Variants in TAC1 observed in about 807,000 individuals in gnomAD.
TAC1 encodes the protein tachykinin precursor 1, also known as protachykinin-1.
A neutral mutation model predicts 21.7 loss-of-function variants in TAC1; 12 were observed. That is an observed-to-expected ratio of 0.55 (90% CI 0.35 to 0.89). The LOEUF (loss-of-function observed/expected upper bound fraction) is 0.89, where lower values mean the gene tolerates loss of function less well. Among genes scored for constraint, TAC1 ranks in the 40% least tolerant of loss-of-function variants. The probability of loss-of-function intolerance (pLI) is 0.01; values close to 1 mark genes in which losing one functional copy is unlikely to be tolerated. For synonymous variants in TAC1, 52 were observed against 52.0 expected (o/e 1.00, Z 0.00); for missense variants, 128 against 151.4 (o/e 0.85, Z 0.81).
At position 97,738,610 on chromosome 7, in the gene TAC1, T is replaced by C. The variant is rs181391361; in HGVS notation, c.344-1264T>C. Among the ~76,000 whole-genome samples the C allele has an allele frequency of 5.3e-5, 8 of 150,686 alleles. No homozygotes were observed. In the East Asian group the frequency reaches 1.5e-3, roughly 29 times the overall value. On this transcript the variant is annotated intron_variant, in intron 6 of 6. Coordinates refer to ENST00000319273, the MANE Select transcript of TAC1 (RefSeq NM_003182.3). ...CAGACTGTTCTGCCTCACAAGTGCA[T>C]ACTTAATTGATGTAAAATATGCAGC...
intron 2 of TAC1, among the ~76,000 whole-genome samples, 192 bp from the exon 3 acceptor site, chr7:97,733,531 G>A (rs970529401): frequency 2.6e-5 from 4 of 152,126 alleles, no homozygotes; most frequent in Non-Finnish European, 5.9e-5. Flanking sequence ...GCTTGCGGGG[G>A]GCGGGACGCG....
intron 4 of TAC1, 32 bp downstream of exon 4, chr7:97,734,324 T>C: frequency 6.3e-7 from 1 of 1,582,476 alleles, no homozygotes. Context: ...TATTTTACTA[T>C]TGTGAAAGCA....
chr7:97,737,662 T>C (rs1176613592), intron 6 of TAC1, among the ~76,000 whole-genome samples: 1 of 151,996 alleles, frequency 6.6e-6, no homozygotes, highest in African/African-American at 2.4e-5. Context: ...CTAGTGTTCT[T>C]ATTGGGTCCC....
Position 97,732,715 on chromosome 7 carries a change from T to A in TAC1, c.103T>A (p.Tyr35Asn), listed in dbSNP as rs1789462659. The part of the protein sequence containing the change: ...NDDLNYWSDW[Y>N]DSDQIKEELP... ...TGATCTGAATTACTGGTCCGACTGG[T>A]ACGACAGCGACCAGATCAAGGTGAG... Residue 35 changes from tyrosine (Y) to asparagine (N), a missense_variant, in exon 2 of 7, where the codon TAC (tyrosine) becomes AAC (asparagine). Physicochemically the swap from Tyr to Asn is moderately radical, Grantham distance 143. Coordinates refer to ENST00000319273, the MANE Select transcript of TAC1 (RefSeq NM_003182.3). This position sits in a 1 kb window ranked among gnomAD's most constrained non-coding sequence, Gnocchi z 6.2. The A allele has an allele frequency of 6.2e-7, 1 of 1,613,986 alleles. No individual in the cohort carries two copies.
At chr7:97,733,981 ACGG>A in intron 3 of TAC1, 162 bp downstream of exon 3, 2 of 738,848 alleles carry the variant, frequency 2.7e-6, no homozygotes, top group South Asian at 3.7e-5. Context: ...TAAGGCACGC[ACGG>A]GCCCGCGGGG....
chr7:97,732,481 T>C lies in TAC1; in HGVS notation c.-9-123T>C. ...GGTACAGGTGAGACTTCAGTCCTTA[T>C]GTTTTTGATCTTGGTTCATCCGTTG... On this transcript the variant is annotated intron_variant, in intron 1 of 6. Transcript: ENST00000319273. The surrounding 1 kb of genome is among the most constrained non-coding windows in gnomAD (Gnocchi z 6.2). The C allele has an allele frequency of 4.3e-6, 5 of 1,171,084 alleles. No individual in the cohort carries two copies. Among genetic ancestry groups the C allele is most frequent in the Non-Finnish European group, 4.9e-6 (4 of 816,632 alleles). The allele number at this position is 1,171,084 out of a possible 1,614,324, so 72.5% of individuals were successfully genotyped here. A position where few individuals can be genotyped will look rare whatever the true frequency, so the allele number is the denominator to read the frequency against.
chr7:97,734,426 T>C (rs1789513127), intron 4 of TAC1, 134 bp downstream of exon 4: 3 of 707,144 alleles, frequency 4.2e-6, no homozygotes, highest in Non-Finnish European at 7.1e-6. Flanking sequence ...GCGCACTCTC[T>C]CTCGGTTTCT....
intron 4 of TAC1, 77 bp downstream of exon 4, chr7:97,734,369 T>A: frequency 7.6e-7 from 1 of 1,308,506 alleles, no homozygotes; most frequent in South Asian, 1.2e-5. Context: ...TTTTATGGGC[T>A]GAAATACAAG....
chr7:97,736,460 G>C (rs1177819433), intron 6 of TAC1, 108 bp downstream of exon 6: 7 of 1,042,018 alleles, frequency 6.7e-6, no homozygotes, highest in Non-Finnish European at 1.0e-5. Flanking sequence ...ATAAAAATGA[G>C]TATTATGGTG....
At chr7:97,734,527 C>T (rs897704468) in intron 4 of TAC1, among the ~76,000 whole-genome samples, 27 of 151,564 alleles carry the variant, frequency 1.8e-4, no homozygotes, top group African/African-American at 5.6e-4. Flanking sequence ...CAGTGGGTGG[C>T]CAGCCTTGAA....
chr7:97,733,536 G>A (rs1789483545), intron 2 of TAC1, among the ~76,000 whole-genome samples, 187 bp from the exon 3 acceptor site: 1 of 152,108 alleles, frequency 6.6e-6, no homozygotes, highest in Non-Finnish European at 1.5e-5. Flanking sequence ...CGGGGGGCGG[G>A]ACGCGAGTTC....
chr7:97,738,736 A>G (rs1789631206), intron 6 of TAC1, among the ~76,000 whole-genome samples: 1 of 151,918 alleles, frequency 6.6e-6, no homozygotes, highest in South Asian at 2.1e-4. Context: ...TCTGTCAGCA[A>G]ATCTTCTCAC....
At chr7:97,734,356 A>C (rs1789511657) in intron 4 of TAC1, 64 bp downstream of exon 4, 1 of 1,432,408 alleles carries the variant, frequency 7.0e-7, no homozygotes, top group Non-Finnish European at 9.7e-7. Flanking sequence ...GTGAAATAAA[A>C]TCTTTTATGG....
intron 2 of TAC1, 114 bp from the exon 3 acceptor site, chr7:97,733,608 GA>G: frequency 1.0e-6 from 1 of 965,924 alleles, no homozygotes; most frequent in Non-Finnish European, 1.6e-6. Context: ...CGAGCGTGGG[GA>G]AGGCCGCCTC....
chr7:97,732,771 TC>T lies in TAC1; in HGVS notation c.123+38del, dbSNP rs1365593300. 9.4e-6 allele frequency: 15 copies of T among 1,599,348 alleles called. No homozygotes were observed. The highest frequency in any genetic ancestry group is 1.3e-5 in the Non-Finnish European group (15 of 1,172,402). On this transcript the variant is annotated intron_variant, in intron 2 of 6. Coordinates refer to ENST00000319273, the MANE Select transcript of TAC1 (RefSeq NM_003182.3). The surrounding 1 kb of genome is among the most constrained non-coding windows in gnomAD (Gnocchi z 6.2). ...TTCCCAGGACGGCCCGCACCCTTCTTCCTGGGCTCGGGAGCTGTCACCTTCC... is the reference window on the plus strand; with the variant it reads ...TTCCCAGGACGGCCCGCACCCTTCTTCTGGGCTCGGGAGCTGTCACCTTCC...
chr7:97,732,748 C>T lies in TAC1; in HGVS notation c.123+13C>T, dbSNP rs759004729. The T allele has an allele frequency of 2.3e-4, 375 of 1,611,406 alleles. No homozygotes were observed. The highest frequency in any genetic ancestry group is 3.1e-4 in the Non-Finnish European group (361 of 1,179,082). On this transcript the variant is annotated intron_variant, in intron 2 of 6. Transcript: ENST00000319273. The surrounding 1 kb of genome is among the most constrained non-coding windows in gnomAD (Gnocchi z 6.2). Reference sequence around the variant, plus strand: ...CGACCAGATCAAGGTGAGGCCCCTTCCCAGGACGGCCCGCACCCTTCTTCC... The same window carrying T: ...CGACCAGATCAAGGTGAGGCCCCTTTCCAGGACGGCCCGCACCCTTCTTCC...
chr7:97,734,093 G>A, intron 3 of TAC1, 155 bp from the exon 4 acceptor site: 1 of 755,318 alleles, frequency 1.3e-6, no homozygotes. Flanking sequence ...GGCCTCCAGG[G>A]GTAGTACTGC....
rs73390395 is a variant in TAC1, at chr7:97,733,991, G to T, written c.220+172G>T. On this transcript the variant is annotated intron_variant, in intron 3 of 6. Transcript: ENST00000319273. ...CGCACTAAGGCACGCACGGGCCCGC[G>T]GGGGGAGGGAAAGATCTGGTTCGCA... is the stretch of plus-strand genomic sequence containing the variant. 1.6e-3 allele frequency: 1,146 copies of T among 715,206 alleles called. 11 individuals are homozygous for T. The African/African-American group carries it at 0.019, about 12-fold the overall frequency. The allele number at this position is 715,206 out of a possible 1,614,324, so 44.3% of individuals were successfully genotyped here. A position where few individuals can be genotyped will look rare whatever the true frequency, so the allele number is the denominator to read the frequency against.
intron 4 of TAC1, among the ~76,000 whole-genome samples, 195 bp downstream of exon 4, chr7:97,734,487 GTCTCTCTCTCTCTCTT>G (rs1430713646): frequency 3.3e-5 from 5 of 149,570 alleles, no homozygotes; most frequent in Non-Finnish European, 5.9e-5. Flanking sequence ...CTCTCTCTCA[GTCTCTCTCTCTCTCTT>G]TCTCTCTCTC....
Sources: allele counts gnomAD v4.1 joint callset (sites outside exome capture counted in the v4.1 genomes callset), GRCh38; gene constraint gnomAD v4.1.1; non-coding constraint Gnocchi (gnomAD v3.1); transcripts MANE v1.5; gene names NCBI Gene and HGNC (gene_info 2026-07-23, HGNC 2026-07-21).